GLIS3: variants seen among roughly 807,000 people sequenced by gnomAD.
GLIS3 encodes zinc finger protein GLIS3.
Under a neutral mutation model 78.6 loss-of-function variants are expected in GLIS3, and 53 were observed. The observed-to-expected ratio is 0.67, with a 90% CI of 0.54 to 0.85. The LOEUF (loss-of-function observed/expected upper bound fraction) is 0.85. Ranked by LOEUF, GLIS3 falls within the 40% of genes least tolerant of loss-of-function variation. GLIS3 has a pLI of 0.00. For synonymous variants in GLIS3, 684 were observed against 509.9 expected (o/e 1.34, Z -4.60); for missense variants, 1,703 against 1,231.1 (o/e 1.38, Z -5.74).
At chr9:3,978,902 T>C (rs1015803747) in intron 4 of GLIS3, among the ~76,000 whole-genome samples, 13 of 152,042 alleles carry the variant, frequency 8.6e-5, no homozygotes, top group Admixed American at 2.0e-4. Flanking sequence ...ATAAAAATAA[T>C]ACAAATAAAA....
chr9:4,133,841 C>CACAG (rs1554711143), intron 2 of GLIS3, among the ~76,000 whole-genome samples: 1 of 59,076 alleles, frequency 1.7e-5, no homozygotes, highest in African/African-American at 6.9e-5. Flanking sequence ...CACACACACA[C>CACAG]ACACACACAC....
chr9:3,930,119 G>A (rs566891782), intron 6 of GLIS3, among the ~76,000 whole-genome samples: 2 of 152,188 alleles, frequency 1.3e-5, no homozygotes, highest in African/African-American at 4.8e-5. Context: ...TTTAACTTCC[G>A]CAAATTAATC....
chr9:3,867,746 T>A (rs1588119995), intron 8 of GLIS3, among the ~76,000 whole-genome samples: 4 of 142,006 alleles, frequency 2.8e-5, no homozygotes, highest in African/African-American at 1.0e-4. Context: ...TGTGTGTGTG[T>A]GTGTGTGTGA....
In GLIS3 at chr9:4,143,343, G is replaced by A. The variant is rs574396493; in HGVS notation, c.389-17402C>T. ...GCACTTTGGGAGGCTGAGGCGGGCAGATCACCCGAGGTCAGGAGTTCGAGA... is the reference window on the plus strand; with the variant it reads ...GCACTTTGGGAGGCTGAGGCGGGCAAATCACCCGAGGTCAGGAGTTCGAGA... On this transcript the variant is annotated intron_variant, in intron 2 of 10. Transcript: ENST00000381971. Among the ~76,000 whole-genome samples the A allele has an allele frequency of 3.9e-5, 6 of 152,130 alleles. No homozygotes were observed. The South Asian group carries it at 1.0e-3, about 26-fold the overall frequency.
rs1353156739 is a variant in GLIS3 at position 4,118,102 on chromosome 9, G to T, written c.1376C>A (p.Pro459Gln). 4 of 1,551,756 alleles carry T rather than the reference G, an allele frequency of 2.6e-6. No individual in the cohort carries two copies. The highest frequency in any genetic ancestry group is 3.5e-6 in the Non-Finnish European group (4 of 1,147,748). The change falls in exon 4 of 11, where the codon CCA (proline) becomes CAA (glutamine). Residue 459 changes from proline to glutamine, a missense_variant. Physicochemically the swap from Pro to Gln is moderately conservative, Grantham distance 76. Coordinates refer to ENST00000381971, the MANE Select transcript of GLIS3 (RefSeq NM_001042413.2). The surrounding 1 kb of genome is among the most constrained non-coding windows in gnomAD (Gnocchi z 4.7). ...LPPLPPPPGP[P>Q]PPYHAHAHLH... ...GTGCGCATGGGCATGGTAAGGGGGT[G>T]GGGGGCCTGGGGGCGGCGGCAGAGG...
intron 2 of GLIS3, among the ~76,000 whole-genome samples, chr9:4,333,924 A>G (rs979514770): frequency 6.6e-6 from 1 of 152,170 alleles, no homozygotes; most frequent in African/African-American, 2.4e-5. Context: ...TGGATTCCTT[A>G]AATCCTACCT....
upstream of GLIS3, among the ~76,000 whole-genome samples, chr9:4,352,676 G>A (rs187250665): frequency 1.7e-4 from 26 of 152,358 alleles, no homozygotes; most frequent in African/African-American, 4.8e-4. Context: ...CAAGACCATC[G>A]CAGGCCTGAA....
intron 9 of GLIS3, among the ~76,000 whole-genome samples, chr9:3,834,070 T>C (rs1255660061): frequency 1.3e-5 from 2 of 152,360 alleles, no homozygotes; most frequent in East Asian, 1.9e-4. Context: ...AAACGTTTTA[T>C]ACATTTATCT....
At chr9:4,393,597 TTC>T in the GLIS3 span, among the ~76,000 whole-genome samples, 1 of 152,192 alleles carries the variant, frequency 6.6e-6, no homozygotes, top group South Asian at 2.1e-4. Context: ...CAGTCATTCT[TTC>T]TGTTTCTGAC....
chr9:4,187,865 G>C (rs1333713311), intron 2 of GLIS3, among the ~76,000 whole-genome samples: 1 of 152,092 alleles, frequency 6.6e-6, no homozygotes, highest in Non-Finnish European at 1.5e-5. Flanking sequence ...AGACTTTGCT[G>C]AAGTTGCTTA....
At chr9:4,194,635 C>G (rs1818637268) in intron 2 of GLIS3, among the ~76,000 whole-genome samples, 1 of 152,100 alleles carries the variant, frequency 6.6e-6, no homozygotes, top group Non-Finnish European at 1.5e-5. Context: ...TATAGACACC[C>G]CAAATCCAAG....
the GLIS3 span, among the ~76,000 whole-genome samples, chr9:4,373,138 T>A: frequency 6.6e-6 from 1 of 152,238 alleles, no homozygotes; most frequent in Admixed American, 6.5e-5. Context: ...CGGGCTTTTG[T>A]GATTTCCCCA....
chr9:4,023,941 G>A (rs976993931), intron 4 of GLIS3, among the ~76,000 whole-genome samples: 6 of 152,004 alleles, frequency 3.9e-5, no homozygotes, highest in Admixed American at 6.6e-5. Context: ...GCTGGATCCA[G>A]GGTTGTCAAA....
chr9:4,298,741 C>T (rs1816837079), intron 1 of GLIS3, among the ~76,000 whole-genome samples: 2 of 152,138 alleles, frequency 1.3e-5, no homozygotes, highest in Non-Finnish European at 2.9e-5. Flanking sequence ...GCTGTGTCTG[C>T]GTCCTGGCGG....
At chr9:4,125,986 GA>G in intron 2 of GLIS3, 45 bp from the exon 3 acceptor site, 1 of 1,426,678 alleles carries the variant, frequency 7.0e-7, no homozygotes, top group Non-Finnish European at 9.9e-7. Flanking sequence ...CCTTACATCA[GA>G]AATCAGTAAA....
the GLIS3 span, among the ~76,000 whole-genome samples, chr9:4,486,474 C>G: frequency 6.6e-6 from 1 of 152,190 alleles, no homozygotes; most frequent in Non-Finnish European, 1.5e-5. Context: ...CTCTTCACCT[C>G]CCAAAACCTG....
intron 2 of GLIS3, among the ~76,000 whole-genome samples, chr9:4,270,175 G>C (rs1826375205): frequency 1.3e-5 from 2 of 152,174 alleles, no homozygotes; most frequent in African/African-American, 4.8e-5. Context: ...AACTGGCACT[G>C]CTGACTCTTA....
intron 2 of GLIS3, among the ~76,000 whole-genome samples, chr9:4,321,235 A>G (rs1304309849): frequency 1.4e-5 from 2 of 141,996 alleles, no homozygotes; most frequent in Admixed American, 6.9e-5. Context: ...CCTGGCTAAC[A>G]CGGTGAAACC....
chr9:4,132,565 C>T (rs531834954), intron 2 of GLIS3, among the ~76,000 whole-genome samples: 3 of 151,718 alleles, frequency 2.0e-5, no homozygotes, highest in Non-Finnish European at 4.4e-5. Flanking sequence ...CGTTATTGTT[C>T]GTTATCTGAC....
Sources: allele counts gnomAD v4.1 joint callset (sites outside exome capture counted in the v4.1 genomes callset), GRCh38; gene constraint gnomAD v4.1.1; non-coding constraint Gnocchi (gnomAD v3.1); transcripts MANE v1.5; gene names NCBI Gene and HGNC (gene_info 2026-07-23, HGNC 2026-07-21).